MACROH2A1: variants seen among roughly 807,000 people sequenced by gnomAD.
MACROH2A1 encodes core histone macro-H2A.1.
In MACROH2A1, 2 loss-of-function variants were observed where a neutral mutation model predicts 31.6. The ratio of observed to expected loss-of-function variants is 0.06; its 90% CI spans 0.03 to 0.20. The LOEUF (loss-of-function observed/expected upper bound fraction) is 0.20, where lower values mean the gene tolerates loss of function less well. Among genes scored for constraint, MACROH2A1 ranks in the 10% least tolerant of loss-of-function variants. The pLI is 1.00. For synonymous variants in MACROH2A1, 169 were observed against 189.6 expected (o/e 0.89, Z 0.89); for missense variants, 230 against 474.0 (o/e 0.49, Z 4.78).
At chr5:135,364,212 G>A (rs925552626) in intron 4 of MACROH2A1, among the ~76,000 whole-genome samples, 2 of 152,270 alleles carry the variant, frequency 1.3e-5, no homozygotes, top group East Asian at 1.9e-4. Context: ...GACACAGGGC[G>A]GGGAACATCA....
chr5:135,334,932 T>C lies in MACROH2A1; in HGVS notation c.*44A>G, dbSNP rs1202648938. 2.6e-6 allele frequency: 4 copies of C among 1,537,434 alleles called. No homozygotes were observed. Among genetic ancestry groups the C allele is most frequent in the Non-Finnish European group, 3.6e-6 (4 of 1,126,088 alleles). On this transcript the variant is annotated 3_prime_UTR_variant, in exon 9 of 9. Transcript: ENST00000511689. ...AGGGGATTTTTTTTTTCTTTTAAAC[T>C]GAAGGTGGGGTACATGGTGCAGCTG...
At position 135,369,330 on chromosome 5, in the gene MACROH2A1, AG is replaced by A. The variant is rs1447781074; in HGVS notation, c.477+75del. 8 of 1,186,738 alleles carry A rather than the reference AG, an allele frequency of 6.7e-6. No individual in the cohort carries two copies. The highest frequency in any genetic ancestry group is 1.2e-5 in the South Asian group (1 of 80,166). The allele number at this position is 1,186,738 out of a possible 1,614,324, so 73.5% of individuals were successfully genotyped here. On this transcript the variant is annotated intron_variant, in intron 4 of 8. Coordinates refer to ENST00000511689, the MANE Select transcript of MACROH2A1 (RefSeq NM_138610.3). This position sits in a 1 kb window ranked among gnomAD's most constrained non-coding sequence, Gnocchi z 4.3. ...GTGGGATGAGCCCACAGGGGGAATGAGGGGGGTGCCCTGGTAACCCTGTTTA... is the reference window on the plus strand; with the variant it reads ...GTGGGATGAGCCCACAGGGGGAATGAGGGGGTGCCCTGGTAACCCTGTTTA...
chr5:135,367,606 G>T (rs1421915367), intron 4 of MACROH2A1, among the ~76,000 whole-genome samples: 1 of 152,196 alleles, frequency 6.6e-6, no homozygotes, highest in African/African-American at 2.4e-5. Flanking sequence ...TTCAGCCCAG[G>T]TTTGCCAGCA....
At chr5:135,382,576 T>C (rs1765796058) in intron 2 of MACROH2A1, among the ~76,000 whole-genome samples, 1 of 151,430 alleles carries the variant, frequency 6.6e-6, no homozygotes, top group South Asian at 2.1e-4. Flanking sequence ...CTAGATGACT[T>C]CAGGTTTGGC....
chr5:135,388,773 T>C (rs1766783083), intron 2 of MACROH2A1, 149 bp downstream of exon 2: 2 of 582,174 alleles, frequency 3.4e-6, no homozygotes, highest in Admixed American at 3.3e-5. Context: ...CTAGAGAATC[T>C]AGGTGAAAAT....
intron 2 of MACROH2A1, among the ~76,000 whole-genome samples, chr5:135,386,915 G>A (rs898116751): frequency 4.6e-5 from 7 of 152,222 alleles, no homozygotes; most frequent in Non-Finnish European, 7.3e-5. Context: ...CATGGCATTC[G>A]CGAGCCAGGG....
intron 2 of MACROH2A1, among the ~76,000 whole-genome samples, chr5:135,385,557 A>G (rs995456239): frequency 6.6e-6 from 1 of 152,164 alleles, no homozygotes; most frequent in Non-Finnish European, 1.5e-5. Flanking sequence ...CCAGACCCTA[A>G]GCTGCTTGAA....
chr5:135,344,744 A>G (rs1220933501), intron 7 of MACROH2A1: 1 of 152,278 alleles, frequency 6.6e-6, no homozygotes, highest in African/African-American at 2.4e-5. Flanking sequence ...AGTTTCTAAA[A>G]TAGCCCTTAA....
intron 2 of MACROH2A1, 66 bp downstream of exon 2, chr5:135,388,856 T>C (rs1441302872): frequency 7.4e-7 from 1 of 1,345,250 alleles, no homozygotes; most frequent in African/African-American, 1.5e-5. Flanking sequence ...AAAGTGGTCT[T>C]TGGAGAACTA....
At chr5:135,360,936 G>A (rs1332471871) in intron 4 of MACROH2A1, 6 of 429,102 alleles carry the variant, frequency 1.4e-5, no homozygotes, top group Non-Finnish European at 2.6e-5. Flanking sequence ...GGATCTTTAA[G>A]TGTCTTTCCT....
intron 2 of MACROH2A1, among the ~76,000 whole-genome samples, chr5:135,372,496 C>T (rs1434070579): frequency 6.6e-6 from 1 of 152,234 alleles, no homozygotes; most frequent in Non-Finnish European, 1.5e-5. Flanking sequence ...TATCATTGAT[C>T]GTGGTAGTGT....
chr5:135,390,055 G>T (rs1044885395), intron 1 of MACROH2A1, among the ~76,000 whole-genome samples: 2 of 152,212 alleles, frequency 1.3e-5, no homozygotes, highest in Admixed American at 1.3e-4. Flanking sequence ...CACATGTCCA[G>T]CTTTGCCTTG....
chr5:135,336,637 C>T (rs1014354197), intron 8 of MACROH2A1, among the ~76,000 whole-genome samples: 8 of 112,112 alleles, frequency 7.1e-5, no homozygotes, highest in Non-Finnish European at 1.1e-4. Context: ...CCTGGTGATT[C>T]TAGACTAGAC....
At chr5:135,360,293 C>A in intron 5 of MACROH2A1, 1 of 589,140 alleles carries the variant, frequency 1.7e-6, no homozygotes, top group Non-Finnish European at 3.0e-6. Context: ...TCTCCCTTCC[C>A]CAGCTGCCAG....
At chr5:135,379,593 GTTGAC>G (rs1765374122) in intron 2 of MACROH2A1, among the ~76,000 whole-genome samples, 1 of 152,112 alleles carries the variant, frequency 6.6e-6, no homozygotes. Flanking sequence ...TTTACTCTGG[GTTGAC>G]TTGACTAGAC....
Position 135,360,486 on chromosome 5 carries a change from C to A in MACROH2A1, c.588+11G>T. On this transcript the variant is annotated intron_variant, in intron 5 of 8. Transcript: ENST00000511689. ...GGCCCTCGAGTAGACTGAGGCCGCG[C>A]ATCTGCCTACCTTCTGGCCAAGGAA... The A allele has an allele frequency of 1.3e-6, 2 of 1,544,450 alleles. No homozygotes were observed. Among genetic ancestry groups the A allele is most frequent in the Non-Finnish European group, 1.8e-6 (2 of 1,116,598 alleles).
intron 5 of MACROH2A1, chr5:135,359,479 A>G (rs985127491): frequency 4.0e-5 from 39 of 983,518 alleles, no homozygotes; most frequent in African/African-American, 5.2e-5. Flanking sequence ...AATACAAAGA[A>G]TGGTTAAAAA....
chr5:135,360,369 C>T, intron 5 of MACROH2A1, 128 bp downstream of exon 5: 1 of 665,406 alleles, frequency 1.5e-6, no homozygotes, highest in South Asian at 1.7e-5. Context: ...CCAAAGCTCA[C>T]AGCCCACTCT....
intron 8 of MACROH2A1, among the ~76,000 whole-genome samples, 164 bp from the exon 9 acceptor site, chr5:135,335,305 G>A (rs1460943563): frequency 1.3e-5 from 2 of 152,242 alleles, no homozygotes; most frequent in African/African-American, 4.8e-5. Flanking sequence ...AAAGCCCAGT[G>A]CCCAGAAGAT....
Sources: allele counts gnomAD v4.1 joint callset (sites outside exome capture counted in the v4.1 genomes callset), GRCh38; gene constraint gnomAD v4.1.1; non-coding constraint Gnocchi (gnomAD v3.1); transcripts MANE v1.5; gene names NCBI Gene and HGNC (gene_info 2026-07-23, HGNC 2026-07-21).